The following SLC9A2 variants were observed in gnomAD, a reference collection of about 807,000 sequenced individuals.
SLC9A2 encodes sodium/hydrogen exchanger 2.
SLC9A2 carries 42 observed loss-of-function variants against 71.7 expected under a neutral mutation model. That is an observed-to-expected ratio of 0.59 (90% CI 0.46 to 0.76). The LOEUF is 0.76. Ranked by LOEUF, SLC9A2 falls within the 30% of genes least tolerant of loss-of-function variation. SLC9A2 has a pLI of 0.00. For synonymous variants in SLC9A2, 396 were observed against 392.5 expected, an observed-to-expected ratio of 1.01 and a Z score of -0.10; for missense variants, 829 against 1,017.4, an observed-to-expected ratio of 0.81 and a Z score of 2.52.
intron 3 of SLC9A2, 35 bp from the exon 4 acceptor site, chr2:102,683,226 T>C (rs987680491): frequency 2.7e-6 from 4 of 1,460,828 alleles, no homozygotes; most frequent in Admixed American, 3.4e-5. Context: ...AAGATCATTG[T>C]TAGGTTTCAA....
chr2:102,646,940 G>A (rs987925977), intron 1 of SLC9A2, among the ~76,000 whole-genome samples: 2 of 152,070 alleles, frequency 1.3e-5, no homozygotes, highest in South Asian at 2.1e-4. Context: ...GTCAGGACTT[G>A]AACTCAGCTC....
chr2:102,683,241 A>C lies in SLC9A2; in HGVS notation c.1005-20A>C. 3 of 1,551,534 alleles carry C rather than the reference A, an allele frequency of 1.9e-6. No individual in the cohort carries two copies. Among genetic ancestry groups the C allele is most frequent in the Non-Finnish European group, 2.7e-6 (3 of 1,123,242 alleles). ...AAGATCATTGTTAGGTTTCAATAGAAGCTGAATCTTCCCTTTCAGAATCAC... is the reference window on the plus strand; with the variant it reads ...AAGATCATTGTTAGGTTTCAATAGACGCTGAATCTTCCCTTTCAGAATCAC... On this transcript the variant is annotated intron_variant, in intron 3 of 11. Transcript: ENST00000233969.
chr2:102,652,166 T>C (rs1490042394), intron 1 of SLC9A2, among the ~76,000 whole-genome samples: 1 of 152,226 alleles, frequency 6.6e-6, no homozygotes, highest in African/African-American at 2.4e-5. Context: ...CACATCTGTT[T>C]GGTTTAACTT....
At chr2:102,654,549 CA>C (rs1319749707) in intron 1 of SLC9A2, among the ~76,000 whole-genome samples, 3 of 152,108 alleles carry the variant, frequency 2.0e-5, no homozygotes. Flanking sequence ...CTTTGGCTCA[CA>C]AAATGTTTAG....
intron 5 of SLC9A2, among the ~76,000 whole-genome samples, chr2:102,692,683 T>C (rs931394439): frequency 1.4e-4 from 21 of 152,328 alleles, no homozygotes; most frequent in Middle Eastern, 3.4e-3. Flanking sequence ...TAAAATCTTC[T>C]GGTTACATTT....
intron 7 of SLC9A2, among the ~76,000 whole-genome samples, chr2:102,700,068 G>C: frequency 6.6e-6 from 1 of 152,134 alleles, no homozygotes; most frequent in Admixed American, 6.5e-5. Flanking sequence ...CCATAACATA[G>C]AACATGAGAA....
intron 1 of SLC9A2, among the ~76,000 whole-genome samples, chr2:102,651,134 C>T (rs944887315): frequency 6.6e-6 from 1 of 152,266 alleles, no homozygotes; most frequent in South Asian, 2.1e-4. Flanking sequence ...CCCCCCATCC[C>T]CCTCCTGCCC....
At chr2:102,656,286 C>T (rs1676940667) in intron 1 of SLC9A2, among the ~76,000 whole-genome samples, 1 of 152,220 alleles carries the variant, frequency 6.6e-6, no homozygotes. Context: ...TTTAAAGCCA[C>T]ATGGGCTCTA....
chr2:102,622,376 C>A (rs960201401), intron 1 of SLC9A2, among the ~76,000 whole-genome samples: 1 of 152,182 alleles, frequency 6.6e-6, no homozygotes, highest in African/African-American at 2.4e-5. Flanking sequence ...TGCTTCTGTG[C>A]CTGTTTCCAT....
Position 102,620,058 on chromosome 2 carries a change from G to T in SLC9A2, c.210G>T (p.Val70=). Residue 70 remains valine (V), a synonymous_variant, in exon 1 of 12, where the codon GTG becomes GTT. Coordinates refer to ENST00000233969, the MANE Select transcript of SLC9A2 (RefSeq NM_003048.6). ...TTLFEESRLP[V]FTLDYPHVQI... ...TGTTCGAGGAGAGCCGGCTGCCTGT[G>T]TTTACGCTGGATTACCCCCACGTGC... The T allele has an allele frequency of 6.2e-7, 1 of 1,614,084 alleles. No homozygotes were observed. Among genetic ancestry groups the T allele is most frequent in the Non-Finnish European group, 8.5e-7 (1 of 1,180,008 alleles).
rs1678032778 is a variant in SLC9A2 at position 102,708,509 on chromosome 2, T to C, written c.*20T>C. On this transcript the variant is annotated 3_prime_UTR_variant, in exon 12 of 12. Coordinates refer to ENST00000233969, the MANE Select transcript of SLC9A2 (RefSeq NM_003048.6). ...CCTTAAGAGAAGCAGCGAAAGCAGA[T>C]CTGAGTGTCTGACCCAGGACAGCTG... 2 of 1,603,740 alleles carry C rather than the reference T, an allele frequency of 1.2e-6. No homozygotes were observed. Among genetic ancestry groups the C allele is most frequent in the Non-Finnish European group, 1.7e-6 (2 of 1,174,654 alleles).
intron 8 of SLC9A2, 55 bp from the exon 9 acceptor site, chr2:102,702,351 C>G (rs1677887491): frequency 1.0e-6 from 1 of 971,204 alleles, no homozygotes; most frequent in Admixed American, 2.3e-5. Context: ...GGAAGAAAAT[C>G]AATGATTCTA....
chr2:102,687,603 A>G (rs909818490), intron 5 of SLC9A2, among the ~76,000 whole-genome samples: 1 of 152,168 alleles, frequency 6.6e-6, no homozygotes, highest in Non-Finnish European at 1.5e-5. Flanking sequence ...CCAACCTGGT[A>G]CTACTGAGTT....
chr2:102,698,477 C>A (rs1011356805), intron 7 of SLC9A2, among the ~76,000 whole-genome samples: 2 of 152,128 alleles, frequency 1.3e-5, no homozygotes, highest in Non-Finnish European at 2.9e-5. Flanking sequence ...ACAAACCATC[C>A]CCAAAACTCA....
In SLC9A2 at chr2:102,709,688, C is replaced by T. The variant is rs1433700507; in HGVS notation, c.*1199C>T. On this transcript the variant is annotated 3_prime_UTR_variant, in exon 12 of 12. Transcript: ENST00000233969. Reference sequence around the variant, plus strand: ...CAGAATTTTCATATAAAATTGAATTCTACTCATTAGAGTACTTTTTAAAAG... The same window carrying T: ...CAGAATTTTCATATAAAATTGAATTTTACTCATTAGAGTACTTTTTAAAAG... 1 of 152,664 alleles carries T rather than the reference C, an allele frequency of 6.6e-6. No homozygotes were observed. The highest frequency in any genetic ancestry group is 1.5e-5 in the Non-Finnish European group (1 of 68,020). 9.5% of individuals were successfully genotyped at this position (152,664 alleles called of 1,614,324 possible).
intron 5 of SLC9A2, among the ~76,000 whole-genome samples, chr2:102,691,828 T>G (rs1488289712): frequency 6.6e-6 from 1 of 152,092 alleles, no homozygotes; most frequent in Admixed American, 6.5e-5. Flanking sequence ...ATCTGTAGGG[T>G]GGAAGGAATC....
chr2:102,633,320 G>A (rs1676410049), intron 1 of SLC9A2, among the ~76,000 whole-genome samples: 1 of 152,046 alleles, frequency 6.6e-6, no homozygotes. Context: ...TCATCACTTG[G>A]ATGTGTCTCA....
intron 5 of SLC9A2, among the ~76,000 whole-genome samples, chr2:102,691,950 A>C (rs1677672427): frequency 6.6e-6 from 1 of 152,252 alleles, no homozygotes; most frequent in African/African-American, 2.4e-5. Flanking sequence ...AGAGCACGTG[A>C]AACAGCAGCT....
intron 1 of SLC9A2, among the ~76,000 whole-genome samples, chr2:102,652,610 C>T (rs1394621833): frequency 2.6e-5 from 4 of 152,132 alleles, no homozygotes; most frequent in South Asian, 2.1e-4. Context: ...TTCCATCTTG[C>T]GTTATAATGA....
Sources: allele counts gnomAD v4.1 joint callset (sites outside exome capture counted in the v4.1 genomes callset), GRCh38; gene constraint gnomAD v4.1.1; transcripts MANE v1.5; gene names NCBI Gene and HGNC (gene_info 2026-07-23, HGNC 2026-07-21).